The following FAM181B variants were observed in gnomAD, a reference collection of about 807,000 sequenced individuals.
FAM181B encodes the protein family with sequence similarity 181 member B.
In FAM181B, 13 loss-of-function variants were observed where a neutral mutation model predicts 17.8. That is an observed-to-expected ratio of 0.73 (90% CI 0.48 to 1.16). The LOEUF (loss-of-function observed/expected upper bound fraction) is 1.16. Among genes scored for constraint, FAM181B ranks in the 50% most tolerant of loss-of-function variants. FAM181B has a pLI of 0.00. For missense variants in FAM181B, 725 were observed against 634.1 expected (o/e 1.14, Z -1.54); for synonymous variants, 338 against 316.5 (o/e 1.07, Z -0.72).
chr11:82,733,762 C>T lies in FAM181B; in HGVS notation c.-33G>A, dbSNP rs924692592. 8 of 1,303,380 alleles carry T rather than the reference C, an allele frequency of 6.1e-6. No individual in the cohort carries two copies. Among genetic ancestry groups the T allele is most frequent in the Admixed American group, 4.1e-5 (1 of 24,300 alleles). The allele number at this position is 1,303,380 out of a possible 1,614,324, so 80.7% of individuals were successfully genotyped here. ...GCTCCCGGGCTGTCCGCAGCGCTGC[C>T]CGTGCGCCCCCGCCAGCTCCTGCCC... On this transcript the variant is annotated 5_prime_UTR_variant, in exon 1 of 1. Coordinates refer to ENST00000329203, the MANE Select transcript of FAM181B (RefSeq NM_175885.4).
rs1857160562 is a variant in FAM181B at position 82,733,158 on chromosome 11, G to T, written c.572C>A (p.Ala191Asp). ...PAGGEVAAPAAGLGGAGTGGA... is the reference protein window; with the variant it reads ...PAGGEVAAPADGLGGAGTGGA... ...CCCAGTGCCCGCACCTCCTAGCCCG[G>T]CCGCCGGCGCAGCCACCTCACCCCC... is the stretch of plus-strand genomic sequence containing the variant. Residue 191 changes from alanine (A) to aspartate (D), a missense_variant, in exon 1 of 1, where the codon GCC becomes GAC. Coordinates refer to ENST00000329203, the MANE Select transcript of FAM181B (RefSeq NM_175885.4). The T allele has an allele frequency of 1.4e-6, 2 of 1,403,550 alleles. No homozygotes were observed. The highest frequency in any genetic ancestry group is 1.8e-6 in the Non-Finnish European group (2 of 1,087,288). The allele number at this position is 1,403,550 out of a possible 1,614,324, so 86.9% of individuals were successfully genotyped here. A position where few individuals can be genotyped will look rare whatever the true frequency, so the allele number is the denominator to read the frequency against.
rs1221154808 is a variant in FAM181B, at chr11:82,733,572, C to T, written c.158G>A (p.Gly53Glu). Reference sequence around the variant, plus strand: ...CTCGCGCACGTCCCCTCCTTCGGCTCCCGACAGCAGCGCACCCGCCGGAGC... The same window carrying T: ...CTCGCGCACGTCCCCTCCTTCGGCTTCCGACAGCAGCGCACCCGCCGGAGC... ...TGAPAGALLSGAEGGDVREAT... is the reference protein window; with the variant it reads ...TGAPAGALLSEAEGGDVREAT... The change falls in exon 1 of 1, where the codon GGA becomes GAA. Residue 53 changes from glycine (G) to glutamate (E), a missense_variant. By Grantham distance (98) the Gly-to-Glu change is moderately conservative (BLOSUM62 -2). Coordinates refer to ENST00000329203, the MANE Select transcript of FAM181B (RefSeq NM_175885.4). The T allele has an allele frequency of 6.2e-7, 1 of 1,604,790 alleles. No homozygotes were observed. Among genetic ancestry groups the T allele is most frequent in the Non-Finnish European group, 8.5e-7 (1 of 1,179,160 alleles).
rs1857143553 is a variant in FAM181B, at chr11:82,732,518, A to G, written c.1212T>C (p.Tyr404=). 12 of 1,612,838 alleles carry G rather than the reference A, an allele frequency of 7.4e-6. No homozygotes were observed. Among genetic ancestry groups the G allele is most frequent in the Non-Finnish European group, 1.0e-5 (12 of 1,179,920 alleles). ...DYSAGYSRTA[Y]SSLWRSDGVW... ...CCCCGTCGGATCTCCAAAGGCTGGA[A>G]TAGGCGGTGCGGCTGTAGCCCGCGC... is the stretch of plus-strand genomic sequence containing the variant. Residue 404 remains tyrosine, a synonymous_variant, in exon 1 of 1, where the codon TAT becomes TAC. Transcript: ENST00000329203.
At position 82,732,225 on chromosome 11, in the gene FAM181B, C is replaced by G. The variant is rs1288417404; in HGVS notation, c.*224G>C. 1 of 581,822 alleles carries G rather than the reference C, an allele frequency of 1.7e-6. No individual in the cohort carries two copies. The highest frequency in any genetic ancestry group is 3.0e-6 in the Non-Finnish European group (1 of 335,084). 36.0% of individuals were successfully genotyped at this position (581,822 alleles called of 1,614,324 possible). On this transcript the variant is annotated 3_prime_UTR_variant, in exon 1 of 1. Coordinates refer to ENST00000329203, the MANE Select transcript of FAM181B (RefSeq NM_175885.4). Reference sequence around the variant, plus strand: ...ACTCCTCTGGTCCAGTAAGAACCTACAAACGTGTTTGTTTGTTTTTGTTTT... The same window carrying G: ...ACTCCTCTGGTCCAGTAAGAACCTAGAAACGTGTTTGTTTGTTTTTGTTTT...
chr11:82,733,852 G>T lies in FAM181B; in HGVS notation c.-123C>A. On this transcript the variant is annotated 5_prime_UTR_variant, in exon 1 of 1. Coordinates refer to ENST00000329203, the MANE Select transcript of FAM181B (RefSeq NM_175885.4). ...GGCGCAGCCTACTAGTTCCGGGCCT[G>T]GCTCGCTGCGCTGCCTCCCGGGGGA... 1.3e-6 allele frequency: 1 copy of T among 787,040 alleles called. No individual in the cohort carries two copies. The highest frequency in any genetic ancestry group is 1.8e-5 in the African/African-American group (1 of 54,738). The allele number at this position is 787,040 out of a possible 1,614,324, so 48.8% of individuals were successfully genotyped here.
rs758687248 is a variant in FAM181B, at chr11:82,732,967, G to A, written c.763C>T (p.Leu255=). 1.3e-5 allele frequency: 21 copies of A among 1,574,266 alleles called. No homozygotes were observed. The highest frequency in any genetic ancestry group is 1.7e-5 in the Admixed American group (1 of 57,188). Residue 255 remains leucine (L), a synonymous_variant, in exon 1 of 1, where the codon CTG becomes TTG. Transcript: ENST00000329203. ...PSGPDVSLGD[L]EKGAEAVEFF... ...TCCACGGCCTCCGCGCCCTTCTCCA[G>A]GTCGCCCAAGCTCACGTCCGGCCCC... is the stretch of plus-strand genomic sequence containing the variant.
rs2120875691 is a variant in FAM181B at position 82,730,289 on chromosome 11, G to C, written c.*2160C>G. 6.6e-6 allele frequency: 1 copy of C among 152,304 alleles called. No homozygotes were observed. The highest frequency in any genetic ancestry group is 2.1e-4 in the South Asian group (1 of 4,824). 9.4% of individuals were successfully genotyped at this position (152,304 alleles called of 1,614,324 possible). On this transcript the variant is annotated 3_prime_UTR_variant, in exon 1 of 1. Transcript: ENST00000329203. The stretch of plus-strand genomic sequence containing the variant: ...ATGGCAATATTAAGAGGCTCAGTGA[G>C]TTAGCTTAAATGCCTGGGATGCGGA...
At position 82,733,062 on chromosome 11, in the gene FAM181B, C is replaced by A; in HGVS notation, c.668G>T (p.Arg223Leu). Reference sequence around the variant, plus strand: ...GAAGGACGGAGGCAGATTGCGTGCCCGCAGCGGGACCTTCCTGGCCCCTGG... The same window carrying A: ...GAAGGACGGAGGCAGATTGCGTGCCAGCAGCGGGACCTTCCTGGCCCCTGG... Reference protein sequence around the residue: ...AIPGARKVPLRARNLPPSFFT... With the variant: ...AIPGARKVPLLARNLPPSFFT... Residue 223 changes from arginine (R) to leucine (L), a missense_variant, in exon 1 of 1, where the codon CGG becomes CTG. Transcript: ENST00000329203. The A allele has an allele frequency of 1.3e-6, 2 of 1,522,750 alleles. No individual in the cohort carries two copies. Among genetic ancestry groups the A allele is most frequent in the African/African-American group, 1.4e-5 (1 of 69,918 alleles). 94.3% of individuals were successfully genotyped at this position (1,522,750 alleles called of 1,614,324 possible). A position where few individuals can be genotyped will look rare whatever the true frequency, so the allele number is the denominator to read the frequency against.
Position 82,733,678 on chromosome 11 carries a change from A to T in FAM181B, c.52T>A (p.Phe18Ile), listed in dbSNP as rs1183971339. 6.5e-7 allele frequency: 1 copy of T among 1,541,044 alleles called. No individual in the cohort carries two copies. Among genetic ancestry groups the T allele is most frequent in the Admixed American group, 1.9e-5 (1 of 51,284 alleles). The change falls in exon 1 of 1, where the codon TTC becomes ATC. Residue 18 changes from phenylalanine (F) to isoleucine (I), a missense_variant. By Grantham distance (21) the Phe-to-Ile change is conservative. Coordinates refer to ENST00000329203, the MANE Select transcript of FAM181B (RefSeq NM_175885.4). ...CCTAGCCCGTCCGGGGAGCCCCCGA[A>T]GCCGAAGGGCACGAAAGGGTGCGTG... is the stretch of plus-strand genomic sequence containing the variant. Reference protein sequence around the residue: ...LSTHPFVPFGFGGSPDGLGGA... With the variant: ...LSTHPFVPFGIGGSPDGLGGA...
rs756264796 is a variant in FAM181B, at chr11:82,732,606, G to C, written c.1124C>G (p.Pro375Arg). The C allele has an allele frequency of 5.0e-6, 8 of 1,584,768 alleles. No homozygotes were observed. In the East Asian group the frequency reaches 1.8e-4, roughly 36 times the overall value. ...DGRGHLASFAPFFPDCALPPP... is the reference protein window; with the variant it reads ...DGRGHLASFARFFPDCALPPP... ...GGGCAGGGCGCAGTCTGGAAAGAAG[G>C]GGGCGAAAGAGGCCAAATGGCCCCG... Residue 375 changes from proline to arginine, a missense_variant, in exon 1 of 1, where the codon CCC (proline) becomes CGC (arginine). Pro to Arg is a moderately radical substitution (Grantham distance 103, BLOSUM62 -2). Coordinates refer to ENST00000329203, the MANE Select transcript of FAM181B (RefSeq NM_175885.4).
In FAM181B at chr11:82,732,954, G is replaced by T. The variant is rs1857155090; in HGVS notation, c.776C>A (p.Ala259Glu). The T allele has an allele frequency of 6.3e-7, 1 of 1,575,046 alleles. No homozygotes were observed. The highest frequency in any genetic ancestry group is 1.8e-5 in the Admixed American group (1 of 57,098). The change falls in exon 1 of 1, where the codon GCG (alanine) becomes GAG (glutamate). Residue 259 changes from alanine to glutamate, a missense_variant. Physicochemically the swap from Ala to Glu is moderately radical, Grantham distance 107. Transcript: ENST00000329203. Reference sequence around the variant, plus strand: ...CAGCTCAAAGAACTCCACGGCCTCCGCGCCCTTCTCCAGGTCGCCCAAGCT... The same window carrying T: ...CAGCTCAAAGAACTCCACGGCCTCCTCGCCCTTCTCCAGGTCGCCCAAGCT... ...DVSLGDLEKG[A>E]EAVEFFELLG... is the part of the protein sequence containing the mutation.
chr11:82,733,736 G>C lies in FAM181B; in HGVS notation c.-7C>G. 1 of 1,399,896 alleles carries C rather than the reference G, an allele frequency of 7.1e-7. No homozygotes were observed. The highest frequency in any genetic ancestry group is 1.5e-5 in the South Asian group (1 of 65,052). 86.7% of individuals were successfully genotyped at this position (1,399,896 alleles called of 1,614,324 possible). ...GCGCCGCCTGCACCGCCATCGCCGC[G>C]GCTCCCGGGCTGTCCGCAGCGCTGC... On this transcript the variant is annotated 5_prime_UTR_variant, in exon 1 of 1. Coordinates refer to ENST00000329203, the MANE Select transcript of FAM181B (RefSeq NM_175885.4).
chr11:82,730,332 T>G lies in FAM181B; in HGVS notation c.*2117A>C, dbSNP rs1471190459. 1 of 152,194 alleles carries G rather than the reference T, an allele frequency of 6.6e-6. No individual in the cohort carries two copies. Among genetic ancestry groups the G allele is most frequent in the African/African-American group, 2.4e-5 (1 of 41,452 alleles). 9.4% of individuals were successfully genotyped at this position (152,194 alleles called of 1,614,324 possible). A position where few individuals can be genotyped will look rare whatever the true frequency, so the allele number is the denominator to read the frequency against. Reference sequence around the variant, plus strand: ...GATGCGGAAACAATGTTGATATTATTATTAATTAAACGTATAGCAAGCAAA... The same window carrying G: ...GATGCGGAAACAATGTTGATATTATGATTAATTAAACGTATAGCAAGCAAA... On this transcript the variant is annotated 3_prime_UTR_variant, in exon 1 of 1. Coordinates refer to ENST00000329203, the MANE Select transcript of FAM181B (RefSeq NM_175885.4).
chr11:82,733,370 G>A lies in FAM181B; in HGVS notation c.360C>T (p.Ala120=), dbSNP rs1469326339. ...GCGGCCGTTTGGCTGGCGTGTCGGC[G>A]GCGCTCGGGGAGGGCGGGCCGGGGG... is the stretch of plus-strand genomic sequence containing the variant. ...AAPPGPPSPS[A]ADTPAKRPLA... Residue 120 remains alanine, a synonymous_variant, in exon 1 of 1, where the codon GCC becomes GCT. Transcript: ENST00000329203. 2.9e-6 allele frequency: 4 copies of A among 1,397,468 alleles called. No homozygotes were observed. Among genetic ancestry groups the A allele is most frequent in the East Asian group, 3.1e-5 (1 of 32,552 alleles). 86.6% of individuals were successfully genotyped at this position (1,397,468 alleles called of 1,614,324 possible).
rs1857142319 is a variant in FAM181B at position 82,732,458 on chromosome 11, G to C, written c.1272C>G (p.His424Gln). The part of the protein sequence containing the change: ...WEGAPGEEGA[H>Q]RD ...GAAGCGTGCCTCGAAGTCAGTCCCG[G>C]TGCGCCCCCTCCTCCCCCGGCGCCC... Residue 424 changes from histidine to glutamine, a missense_variant, in exon 1 of 1, where the codon CAC (histidine) becomes CAG (glutamine). By Grantham distance (24) the His-to-Gln change is conservative. Transcript: ENST00000329203. The C allele has an allele frequency of 6.2e-7, 1 of 1,612,852 alleles. No individual in the cohort carries two copies. Among genetic ancestry groups the C allele is most frequent in the Non-Finnish European group, 8.5e-7 (1 of 1,179,882 alleles).
In FAM181B at chr11:82,730,279, G is replaced by A. The variant is rs1031709677; in HGVS notation, c.*2170C>T. ...CACCTACATCATGGCAATATTAAGA[G>A]GCTCAGTGAGTTAGCTTAAATGCCT... On this transcript the variant is annotated 3_prime_UTR_variant, in exon 1 of 1. Transcript: ENST00000329203. The A allele has an allele frequency of 2.0e-5, 3 of 152,190 alleles. No individual in the cohort carries two copies. The highest frequency in any genetic ancestry group is 4.4e-5 in the Non-Finnish European group (3 of 68,040). The allele number at this position is 152,190 out of a possible 1,614,324, so 9.4% of individuals were successfully genotyped here. A position where few individuals can be genotyped will look rare whatever the true frequency, so the allele number is the denominator to read the frequency against.
Position 82,731,463 on chromosome 11 carries a change from T to C in FAM181B, c.*986A>G, listed in dbSNP as rs947638783. The C allele has an allele frequency of 6.6e-6, 1 of 152,280 alleles. No homozygotes were observed. Among genetic ancestry groups the C allele is most frequent in the South Asian group, 2.1e-4 (1 of 4,828 alleles). 9.4% of individuals were successfully genotyped at this position (152,280 alleles called of 1,614,324 possible). ...TGTTTCCGTGTGTAGAAACCATTTA[T>C]ATATACACAGCAGAACCAATCAAGC... On this transcript the variant is annotated 3_prime_UTR_variant, in exon 1 of 1. Transcript: ENST00000329203.
chr11:82,732,450 C>A lies in FAM181B; in HGVS notation c.1280G>T (p.Ter427LeuextTer23). 6.2e-7 allele frequency: 1 copy of A among 1,612,652 alleles called. No homozygotes were observed. Among genetic ancestry groups the A allele is most frequent in the South Asian group, 1.1e-5 (1 of 91,016 alleles). Reference protein sequence around the residue: ...APGEEGAHRD* With the variant: ...APGEEGAHRDL ...AATGAAGGGAAGCGTGCCTCGAAGTCAGTCCCGGTGCGCCCCCTCCTCCCC... is the reference window on the plus strand; with the variant it reads ...AATGAAGGGAAGCGTGCCTCGAAGTAAGTCCCGGTGCGCCCCCTCCTCCCC... Residue 427 changes from the stop codon to leucine (L), a stop_lost, in exon 1 of 1, where the codon TGA becomes TTA. Transcript: ENST00000329203.
chr11:82,732,563 A>T lies in FAM181B; in HGVS notation c.1167T>A (p.His389Gln), dbSNP rs772772597. The T allele has an allele frequency of 1.9e-6, 3 of 1,610,188 alleles. No homozygotes were observed. The East Asian group carries it at 6.7e-5, about 36-fold the overall frequency. ...CCGCGCTGTAATCGTAGGACACCTG[A>T]TGGGGCGGCGGCGGCGGGGGCAGGG... ...DCALPPPPPP[H>Q]QVSYDYSAGY... The change falls in exon 1 of 1, where the codon CAT becomes CAA. Residue 389 changes from histidine to glutamine, a missense_variant. His to Gln is a conservative substitution (Grantham distance 24, BLOSUM62 0). Coordinates refer to ENST00000329203, the MANE Select transcript of FAM181B (RefSeq NM_175885.4).
Sources: allele counts gnomAD v4.1 joint callset, GRCh38; gene constraint gnomAD v4.1.1; transcripts MANE v1.5; gene names NCBI Gene and HGNC (gene_info 2026-07-23, HGNC 2026-07-21).